CAPSL: variants seen among roughly 807,000 people sequenced by gnomAD.
CAPSL encodes calcyphosin-like protein.
CAPSL carries 17 observed loss-of-function variants against 21.3 expected under a neutral mutation model. The observed-to-expected ratio is 0.80, with a 90% CI of 0.55 to 1.20. The LOEUF (loss-of-function observed/expected upper bound fraction) is 1.20. CAPSL is among the 50% of genes most tolerant of loss of function. The probability of loss-of-function intolerance (pLI) is 0.00; values close to 1 mark genes in which losing one functional copy is unlikely to be tolerated. For missense variants in CAPSL, 289 were observed against 259.3 expected, an observed-to-expected ratio of 1.11 and a Z score of -0.79; for synonymous variants, 102 against 89.3, an observed-to-expected ratio of 1.14 and a Z score of -0.80.
chr5:35,927,061 G>A (rs542117164), intron 1 of CAPSL, among the ~76,000 whole-genome samples: 2 of 151,966 alleles, frequency 1.3e-5, no homozygotes, highest in African/African-American at 4.8e-5. Flanking sequence ...GAGGCGAGAT[G>A]TGCTTGAGGA....
At chr5:35,906,042 C>A (rs1580876782) in intron 4 of CAPSL, among the ~76,000 whole-genome samples, 1 of 152,178 alleles carries the variant, frequency 6.6e-6, no homozygotes, top group South Asian at 2.1e-4. Flanking sequence ...AATACTCCAA[C>A]AAAGTAAGTG....
chr5:35,912,269 A>C (rs758715801), intron 2 of CAPSL, among the ~76,000 whole-genome samples: 1 of 152,042 alleles, frequency 6.6e-6, no homozygotes, highest in Non-Finnish European at 1.5e-5. Flanking sequence ...GCCTCTGTAG[A>C]CTCCACCTCT....
In CAPSL at chr5:35,919,170, A is replaced by AAAAAAATATAT. The variant is rs754098152; in HGVS notation, c.137+1813_137+1814insATATATTTTTT. 3.2e-3 allele frequency among the ~76,000 whole-genome samples: 392 copies of AAAAAAATATAT among 121,248 alleles called. 10 individuals carry two copies. In the South Asian group the frequency reaches 0.041, roughly 13 times the overall value. 79.5% of individuals were successfully genotyped at this position (121,248 alleles called of 152,430 possible). A position where few individuals can be genotyped will look rare whatever the true frequency, so the allele number is the denominator to read the frequency against. The stretch of plus-strand genomic sequence containing the variant: ...AGTATCTTTCCTGATTAAAAAAAAA[A>AAAAAAATATAT]ATATATATATATATATATATAAAAA... On this transcript the variant is annotated intron_variant, in intron 2 of 4. Coordinates refer to ENST00000651391, the MANE Select transcript of CAPSL (RefSeq NM_001042625.2).
rs1216430500 is a variant in CAPSL, at chr5:35,904,557, G to A, written c.615C>T (p.Ala205=). Reference sequence around the variant, plus strand: ...CCAGGTCATGTGCTTAAAGCTTCCAGGCGGTTCTCATCATGATGATGAAGT... The same window carrying A: ...CCAGGTCATGTGCTTAAAGCTTCCAAGCGGTTCTCATCATGATGATGAAGT... ...DVYFIIMMRT[A]WKL The change falls in exon 5 of 5, where the codon GCC becomes GCT. Residue 205 remains alanine, a synonymous_variant. Transcript: ENST00000651391. The A allele has an allele frequency of 1.2e-6, 2 of 1,613,672 alleles. No individual in the cohort carries two copies. The highest frequency in any genetic ancestry group is 2.2e-5 in the South Asian group (2 of 91,032).
chr5:35,909,635 ATATGTC>A (rs1738157429), intron 4 of CAPSL, among the ~76,000 whole-genome samples: 1 of 152,222 alleles, frequency 6.6e-6, no homozygotes, highest in African/African-American at 2.4e-5. Flanking sequence ...ATATTTCAAT[ATATGTC>A]TATGAGTGTG....
intron 1 of CAPSL, among the ~76,000 whole-genome samples, chr5:35,928,386 C>T (rs1039075912): frequency 2.0e-5 from 3 of 152,138 alleles, no homozygotes; most frequent in Non-Finnish European, 4.4e-5. Context: ...GATGTCCTCC[C>T]GAAGAGACTG....
intron 1 of CAPSL, among the ~76,000 whole-genome samples, chr5:35,931,283 C>T (rs1738816275): frequency 6.6e-6 from 1 of 152,098 alleles, no homozygotes; most frequent in South Asian, 2.1e-4. Context: ...ACCCCTGAGA[C>T]TCATGAGGAG....
chr5:35,913,700 T>C (rs1399341563), intron 2 of CAPSL, among the ~76,000 whole-genome samples: 1 of 152,114 alleles, frequency 6.6e-6, no homozygotes, highest in Non-Finnish European at 1.5e-5. Flanking sequence ...AAAGAGCTCC[T>C]GAAGGAAGCA....
At chr5:35,917,318 G>A (rs935492498) in intron 2 of CAPSL, among the ~76,000 whole-genome samples, 8 of 152,176 alleles carry the variant, frequency 5.3e-5, no homozygotes, top group Non-Finnish European at 1.2e-4. Context: ...CAATTCCTCA[G>A]GGATCTAGAA....
chr5:35,916,496 G>C (rs1196098364), intron 2 of CAPSL, among the ~76,000 whole-genome samples: 5 of 152,108 alleles, frequency 3.3e-5, no homozygotes, highest in Non-Finnish European at 5.9e-5. Context: ...AAACAGCATG[G>C]TACTGGTACC....
chr5:35,916,550 A>C (rs985222981), intron 2 of CAPSL, among the ~76,000 whole-genome samples: 1 of 152,188 alleles, frequency 6.6e-6, no homozygotes, highest in Non-Finnish European at 1.5e-5. Flanking sequence ...AGCCCTCAGA[A>C]ATAATGCCAC....
intron 2 of CAPSL, among the ~76,000 whole-genome samples, chr5:35,914,146 C>G (rs1239196404): frequency 2.0e-5 from 3 of 152,200 alleles, no homozygotes; most frequent in Non-Finnish European, 4.4e-5. Context: ...ATCAATTCAA[C>G]AAGAAGAGCT....
chr5:35,936,501 C>T (rs1489748591), intron 1 of CAPSL, among the ~76,000 whole-genome samples: 7 of 152,314 alleles, frequency 4.6e-5, no homozygotes, highest in Non-Finnish European at 1.0e-4. Context: ...ATGGTCTTCA[C>T]CCTGTCATTC....
chr5:35,919,192 A>ATATATATATATATATATATATAT (rs1561439742), intron 2 of CAPSL, among the ~76,000 whole-genome samples: 7 of 108,244 alleles, frequency 6.5e-5, no homozygotes, highest in African/African-American at 1.9e-4. Context: ...TATATATATA[A>ATATATATATATATATATATATAT]AAATTGTGAA....
Position 35,934,857 on chromosome 5 carries a change from G to T in CAPSL, c.-1+3684C>A, listed in dbSNP as rs372329255. Among the ~76,000 whole-genome samples, 29 of 152,178 alleles carry T rather than the reference G, an allele frequency of 1.9e-4. No homozygotes were observed. In the East Asian group the frequency reaches 5.2e-3, roughly 27 times the overall value. ...CTTTTCTGTTACTACCTTTGAATGT[G>T]CCATCAATTTCCTGCCAAGACACTG... On this transcript the variant is annotated intron_variant, in intron 1 of 4. Coordinates refer to ENST00000651391, the MANE Select transcript of CAPSL (RefSeq NM_001042625.2).
intron 4 of CAPSL, among the ~76,000 whole-genome samples, chr5:35,909,130 A>G (rs1481666362): frequency 6.6e-6 from 1 of 151,776 alleles, no homozygotes; most frequent in Non-Finnish European, 1.5e-5. Flanking sequence ...CTGTTGATAA[A>G]GGACAGATGA....
intron 1 of CAPSL, among the ~76,000 whole-genome samples, chr5:35,931,059 T>A (rs1389016661): frequency 6.6e-6 from 1 of 152,224 alleles, no homozygotes; most frequent in Non-Finnish European, 1.5e-5. Flanking sequence ...TGGCAACTTC[T>A]TGACTTCACG....
At chr5:35,905,193 C>T (rs1189237668) in intron 4 of CAPSL, among the ~76,000 whole-genome samples, 1 of 152,124 alleles carries the variant, frequency 6.6e-6, no homozygotes, top group Non-Finnish European at 1.5e-5. Context: ...TGCTTCATGC[C>T]TCCCACCCAT....
intron 4 of CAPSL, 154 bp from the exon 5 acceptor site, chr5:35,904,800 G>A: frequency 1.3e-6 from 1 of 768,704 alleles, no homozygotes. Context: ...AAGAACAAGT[G>A]AAGCTGAGGA....
Sources: allele counts gnomAD v4.1 joint callset (sites outside exome capture counted in the v4.1 genomes callset), GRCh38; gene constraint gnomAD v4.1.1; transcripts MANE v1.5; gene names NCBI Gene and HGNC (gene_info 2026-07-23, HGNC 2026-07-21).